Variants in NUP160 observed in about 807,000 individuals in gnomAD.
NUP160 encodes the protein nuclear pore complex protein Nup160.
In NUP160, 94 loss-of-function variants were observed where a neutral mutation model predicts 196.9. The ratio of observed to expected loss-of-function variants is 0.48; its 90% CI spans 0.40 to 0.57. The LOEUF (loss-of-function observed/expected upper bound fraction) is 0.57. Among genes scored for constraint, NUP160 ranks in the 20% least tolerant of loss-of-function variants. NUP160 has a pLI of 0.00. For missense variants in NUP160, 1,638 were observed against 1,748.3 expected (o/e 0.94, Z 1.13); for synonymous variants, 605 against 619.7 (o/e 0.98, Z 0.35).
chr11:47,793,122 G>GATTGC (rs1281374443), intron 27 of NUP160, among the ~76,000 whole-genome samples, 176 bp from the exon 28 acceptor site: 1 of 152,066 alleles, frequency 6.6e-6, no homozygotes, highest in Non-Finnish European at 1.5e-5. Flanking sequence ...GAGTAGCTGG[G>GATTGC]ATTATAGGCA....
chr11:47,807,006 A>G (rs77201654), intron 19 of NUP160, 64 bp downstream of exon 19: 165,602 of 1,209,762 alleles, frequency 0.14, 12,471 homozygotes, highest in Non-Finnish European at 0.16. Context: ...GCAAAAGACC[A>G]CTTTAATGAA....
At chr11:47,839,668 G>A (rs1852255557) in intron 4 of NUP160, 175 bp downstream of exon 4, 1 of 621,010 alleles carries the variant, frequency 1.6e-6, no homozygotes, top group Non-Finnish European at 2.9e-6. Flanking sequence ...ATGCTTTATA[G>A]TTCCTTATCC....
chr11:47,846,294 G>A (rs564422581), intron 2 of NUP160, among the ~76,000 whole-genome samples: 2 of 152,112 alleles, frequency 1.3e-5, no homozygotes, highest in Non-Finnish European at 2.9e-5. Flanking sequence ...TTAATTAAAT[G>A]AAATTTGTAT....
rs200207202 is a variant in NUP160 at position 47,846,193 on chromosome 11, TC to T, written c.314+1654del. On this transcript the variant is annotated intron_variant, in intron 2 of 35. Transcript: ENST00000378460. ...AAAAATTTTTTTTGTAGAAATGGGG[TC>T]TTGAACTCCCGGCCTCAAGAGATCC... Among the ~76,000 whole-genome samples the T allele has an allele frequency of 1.2e-3, 184 of 147,412 alleles. 2 individuals carry two copies. The East Asian group carries it at 0.031, about 25-fold the overall frequency.
chr11:47,780,650 C>T (rs927254703), intron 34 of NUP160, among the ~76,000 whole-genome samples: 2 of 151,602 alleles, frequency 1.3e-5, no homozygotes, highest in Middle Eastern at 3.4e-3. Context: ...AATTCTTGTG[C>T]CTCAGCCTCT....
chr11:47,801,847 C>T (rs935457164), exon 23 of NUP160: 4 of 1,613,786 alleles, frequency 2.5e-6, no homozygotes, highest in Admixed American at 1.7e-5. Flanking sequence ...TAGACACGAT[C>T]TCCCCATCCT....
rs748273136 is a variant in NUP160, at chr11:47,786,550, T to C, written c.3751A>G (p.Ile1251Val). 9 of 1,608,028 alleles carry C rather than the reference T, an allele frequency of 5.6e-6. No homozygotes were observed. The highest frequency in any genetic ancestry group is 5.0e-5 in the Admixed American group (3 of 59,980). ...GCCTCTCCTCCAAATTGCAATTTGATGCATCTGGAATGAAAATGGTTCCAC... is the reference window on the plus strand; with the variant it reads ...GCCTCTCCTCCAAATTGCAATTTGACGCATCTGGAATGAAAATGGTTCCAC... The change falls in exon 32 of 36, where the codon ATC becomes GTC. Residue 1251 changes from isoleucine to valine, a missense_variant. By Grantham distance (29) the Ile-to-Val change is conservative. Transcript: ENST00000378460.
rs747178084 is a variant in NUP160 at position 47,785,057 on chromosome 11, T to C, written c.3855A>G (p.Thr1285=). Residue 1285 remains threonine, a synonymous_variant, in exon 33 of 36, where the codon ACA becomes ACG. Transcript: ENST00000378460. ...TGGATAATAGTCGCCATGCTTCATC[T>C]GTAGCACTTGAAAAAAACAAAAATG... The C allele has an allele frequency of 2.0e-6, 3 of 1,469,216 alleles. No individual in the cohort carries two copies. In the Admixed American group the frequency reaches 6.7e-5, roughly 33 times the overall value. The allele number at this position is 1,469,216 out of a possible 1,614,324, so 91.0% of individuals were successfully genotyped here.
intron 7 of NUP160, among the ~76,000 whole-genome samples, chr11:47,832,252 A>G (rs534404976): frequency 1.3e-5 from 2 of 152,242 alleles, no homozygotes; most frequent in Admixed American, 1.3e-4. Context: ...ATTCCTGAGC[A>G]TGGGCAAGGC....
At chr11:47,808,995 G>A (rs1442928954) in intron 17 of NUP160, among the ~76,000 whole-genome samples, 3 of 152,000 alleles carry the variant, frequency 2.0e-5, no homozygotes, top group Admixed American at 2.0e-4. Flanking sequence ...CAACTATTTG[G>A]GAGGCTGAGG....
At chr11:47,789,247 C>G (rs1376593877) in intron 29 of NUP160, among the ~76,000 whole-genome samples, 1 of 152,064 alleles carries the variant, frequency 6.6e-6, no homozygotes, top group Non-Finnish European at 1.5e-5. Context: ...GCTCAAATGA[C>G]CCTCCTGCCT....
At chr11:47,782,290 A>T (rs1209100071) in intron 34 of NUP160, among the ~76,000 whole-genome samples, 1 of 23,150 alleles carries the variant, frequency 4.3e-5, no homozygotes, top group Non-Finnish European at 7.0e-5. Flanking sequence ...AAACTCAGTT[A>T]AAAAAAAAAA....
intron 7 of NUP160, among the ~76,000 whole-genome samples, chr11:47,825,199 G>C (rs1851944902): frequency 6.6e-6 from 1 of 152,060 alleles, no homozygotes; most frequent in African/African-American, 2.4e-5. Flanking sequence ...CAAACTCCTG[G>C]TATCAAGTGA....
At position 47,839,017 on chromosome 11, in the gene NUP160, G is replaced by C. The variant is rs77631220; in HGVS notation, c.748+826C>G. On this transcript the variant is annotated intron_variant, in intron 4 of 35. Transcript: ENST00000378460. ...AAATCCCATCTCAAAAAAAAAAAAA[G>C]AATAAAAGAAAAGTTGTGTCATGTC... Among the ~76,000 whole-genome samples the C allele has an allele frequency of 4.1e-4, 29 of 71,116 alleles. No individual in the cohort carries two copies. In the East Asian group the frequency reaches 0.013, roughly 31 times the overall value. The allele number at this position is 71,116 out of a possible 152,430, so 46.7% of individuals were successfully genotyped here.
At chr11:47,806,354 T>G (rs536553227) in intron 19 of NUP160, 42 bp from the exon 20 acceptor site, 1 of 1,483,750 alleles carries the variant, frequency 6.7e-7, no homozygotes, top group South Asian at 1.2e-5. Context: ...TAGTGGTAAT[T>G]ATCAATTTTC....
chr11:47,782,295 A>ATATATAT, intron 34 of NUP160, among the ~76,000 whole-genome samples: 1 of 38,022 alleles, frequency 2.6e-5, no homozygotes. Context: ...CAGTTAAAAA[A>ATATATAT]AAAAAAAAAT....
At chr11:47,794,269 G>A (rs368627873) in intron 27 of NUP160, among the ~76,000 whole-genome samples, 2 of 152,052 alleles carry the variant, frequency 1.3e-5, no homozygotes, top group Admixed American at 6.6e-5. Context: ...CAAGACGGGC[G>A]GATCATGAGG....
chr11:47,785,873 A>G (rs1286518344), intron 32 of NUP160, among the ~76,000 whole-genome samples: 1 of 152,260 alleles, frequency 6.6e-6, no homozygotes, highest in Admixed American at 6.5e-5. Context: ...GCTAAGCTGT[A>G]TAATACCAAG....
intron 27 of NUP160, among the ~76,000 whole-genome samples, chr11:47,793,722 GTTTTTTTTTTTTT>G (rs750497969): frequency 4.6e-5 from 4 of 87,642 alleles, no homozygotes; most frequent in African/African-American, 1.0e-4. Flanking sequence ...TAAGATATCT[GTTTTTTTTTTTTT>G]TTTTTTTTTT....
Sources: gnomAD v4.1 joint callset for allele counts (sites outside exome capture counted in the v4.1 genomes callset) on GRCh38, gnomAD v4.1.1 for gene constraint, MANE v1.5 for transcripts, NCBI Gene and HGNC (gene_info 2026-07-23, HGNC 2026-07-21) for gene names.